SLC8A1: variants seen among roughly 807,000 people sequenced by gnomAD.
SLC8A1 encodes solute carrier family 8 member A1.
SLC8A1 carries 18 observed loss-of-function variants against 68.3 expected under a neutral mutation model. The ratio of observed to expected loss-of-function variants is 0.26; its 90% CI spans 0.18 to 0.39. SLC8A1 has a LOEUF of 0.39. SLC8A1 is among the 10% of genes least tolerant of loss of function. SLC8A1 has a pLI of 1.00. For synonymous variants in SLC8A1, 475 were observed against 415.5 expected (o/e 1.14, Z -1.74); for missense variants, 985 against 1,156.7 (o/e 0.85, Z 2.15).
At chr2:40,144,070 G>T (rs2042040533) in intron 6 of SLC8A1, among the ~76,000 whole-genome samples, 2 of 152,162 alleles carry the variant, frequency 1.3e-5, no homozygotes, top group South Asian at 2.1e-4. Flanking sequence ...CATCTTTATA[G>T]ACAAATGTGC....
intron 2 of SLC8A1, among the ~76,000 whole-genome samples, chr2:40,384,228 G>C (rs1682854470): frequency 1.3e-5 from 2 of 152,030 alleles, no homozygotes; most frequent in Admixed American, 1.3e-4. Context: ...CTGCACTTTA[G>C]TCTGGGAGAC....
intron 2 of SLC8A1, among the ~76,000 whole-genome samples, chr2:40,350,610 A>G (rs1033046076): frequency 5.3e-5 from 8 of 150,194 alleles, no homozygotes; most frequent in Non-Finnish European, 1.0e-4. Flanking sequence ...AAAAAAAAAA[A>G]AAAAAAAAAA....
intron 2 of SLC8A1, among the ~76,000 whole-genome samples, chr2:40,369,694 T>C (rs951360305): frequency 6.6e-6 from 1 of 152,094 alleles, no homozygotes; most frequent in African/African-American, 2.4e-5. Flanking sequence ...AGCAACATTC[T>C]GGCAAGTAAA....
chr2:40,450,741 G>A (rs976414409), intron 1 of SLC8A1, among the ~76,000 whole-genome samples: 2 of 152,226 alleles, frequency 1.3e-5, no homozygotes, highest in Admixed American at 6.5e-5. Context: ...TAGCAGGAGA[G>A]AGAGAGAGCG....
chr2:40,281,710 C>G (rs2067554912), intron 2 of SLC8A1, among the ~76,000 whole-genome samples: 1 of 152,158 alleles, frequency 6.6e-6, no homozygotes. Context: ...AGAGTGAAGA[C>G]CCATCATTTA....
intron 2 of SLC8A1, among the ~76,000 whole-genome samples, chr2:40,372,324 C>G (rs946306964): frequency 1.3e-5 from 2 of 152,090 alleles, no homozygotes; most frequent in African/African-American, 2.4e-5. Context: ...TATGTGTGTT[C>G]TACCACAGAG....
intron 2 of SLC8A1, among the ~76,000 whole-genome samples, chr2:40,237,255 A>G (rs944872752): frequency 6.6e-6 from 1 of 152,102 alleles, no homozygotes; most frequent in African/African-American, 2.4e-5. Flanking sequence ...TCAGACGTAG[A>G]TTTGGTCTTT....
exon 5 of SLC8A1, chr2:40,164,962 T>C: frequency 6.2e-7 from 1 of 1,613,914 alleles, no homozygotes; most frequent in Non-Finnish European, 8.5e-7. Flanking sequence ...TGCTGGTCAG[T>C]GGCTGCTTGT....
intron 2 of SLC8A1, among the ~76,000 whole-genome samples, chr2:40,293,019 C>A (rs1379988032): frequency 6.6e-6 from 1 of 151,774 alleles, no homozygotes; most frequent in East Asian, 1.9e-4. Context: ...ATTTCAGAGG[C>A]CTTCTTTCCC....
intron 2 of SLC8A1, among the ~76,000 whole-genome samples, chr2:40,241,633 A>G (rs772096025): frequency 3.9e-5 from 6 of 152,106 alleles, no homozygotes; most frequent in Non-Finnish European, 2.9e-5. Context: ...TGCCTTTTCA[A>G]ATTCTGAAGA....
intron 1 of SLC8A1, among the ~76,000 whole-genome samples, chr2:40,467,416 C>T (rs933205305): frequency 2.0e-5 from 3 of 152,104 alleles, no homozygotes; most frequent in African/African-American, 4.8e-5. Flanking sequence ...GGTGAAAGTG[C>T]TATTAACTGC....
chr2:40,198,510 A>G (rs1175832560), intron 2 of SLC8A1, among the ~76,000 whole-genome samples: 2 of 151,978 alleles, frequency 1.3e-5, no homozygotes, highest in African/African-American at 2.4e-5. Flanking sequence ...TTCAGTTGCT[A>G]TAAGAAAAAT....
chr2:40,347,056 A>G (rs2149431008), intron 2 of SLC8A1, among the ~76,000 whole-genome samples: 1 of 152,300 alleles, frequency 6.6e-6, no homozygotes, highest in African/African-American at 2.4e-5. Context: ...CATAGCACCA[A>G]GGCAATAGAT....
intron 2 of SLC8A1, among the ~76,000 whole-genome samples, chr2:40,279,727 T>C (rs542081690): frequency 1.3e-5 from 2 of 152,320 alleles, no homozygotes; most frequent in South Asian, 4.1e-4. Flanking sequence ...TAAAGTACAC[T>C]GGCATGCAAA....
intron 2 of SLC8A1, among the ~76,000 whole-genome samples, chr2:40,267,195 G>T (rs753118224): frequency 6.6e-6 from 1 of 152,216 alleles, no homozygotes; most frequent in Non-Finnish European, 1.5e-5. Flanking sequence ...GTTTGTTGAT[G>T]TATTAGCAGG....
intron 2 of SLC8A1, among the ~76,000 whole-genome samples, chr2:40,189,085 T>C (rs1449875525): frequency 6.6e-6 from 1 of 151,742 alleles, no homozygotes; most frequent in Non-Finnish European, 1.5e-5. Context: ...ACCAGATTTC[T>C]TTTTTTAAAT....
intron 2 of SLC8A1, among the ~76,000 whole-genome samples, chr2:40,300,308 C>T (rs534142902): frequency 6.6e-6 from 1 of 152,130 alleles, no homozygotes; most frequent in Admixed American, 6.5e-5. Flanking sequence ...GTTATCACAC[C>T]CATCTGACAG....
intron 2 of SLC8A1, among the ~76,000 whole-genome samples, chr2:40,236,070 T>C (rs1402122282): frequency 1.3e-5 from 2 of 152,146 alleles, no homozygotes; most frequent in Admixed American, 6.5e-5. Context: ...AAAAAATGTA[T>C]ATTCTGTTGA....
chr2:40,361,862 G>C (rs1260161736), intron 2 of SLC8A1, among the ~76,000 whole-genome samples: 2 of 133,104 alleles, frequency 1.5e-5, no homozygotes, highest in African/African-American at 5.7e-5. Context: ...ATGCTAGATA[G>C]TCAGATGTTT....
Sources: allele counts gnomAD v4.1 joint callset (sites outside exome capture counted in the v4.1 genomes callset), GRCh38; gene constraint gnomAD v4.1.1; transcripts MANE v1.5; gene names NCBI Gene and HGNC (gene_info 2026-07-23, HGNC 2026-07-21).